ELOVL2: variants seen among roughly 807,000 people sequenced by gnomAD.
The protein encoded by ELOVL2 is ELOVL fatty acid elongase 2, also known as very long chain fatty acid elongase 2.
A neutral mutation model predicts 37.7 loss-of-function variants in ELOVL2; 38 were observed. The ratio of observed to expected loss-of-function variants is 1.01; its 90% CI spans 0.78 to 1.32. The LOEUF (loss-of-function observed/expected upper bound fraction) is 1.32, where lower values mean the gene tolerates loss of function less well. ELOVL2 is among the 40% of genes most tolerant of loss of function. The probability of loss-of-function intolerance (pLI) is 0.00; values close to 1 mark genes in which losing one functional copy is unlikely to be tolerated. For synonymous variants in ELOVL2, 115 were observed against 122.3 expected, an observed-to-expected ratio of 0.94 and a Z score of 0.40; for missense variants, 352 against 363.6, an observed-to-expected ratio of 0.97 and a Z score of 0.26.
At chr6:11,000,475 C>T (rs537921534) in intron 3 of ELOVL2, among the ~76,000 whole-genome samples, 3 of 152,214 alleles carry the variant, frequency 2.0e-5, no homozygotes, top group South Asian at 4.1e-4. Context: ...CATGTTTCTA[C>T]AAGTGTAATG....
chr6:11,016,433 GTCTTT>G (rs1175329055), intron 1 of ELOVL2, among the ~76,000 whole-genome samples: 1 of 152,160 alleles, frequency 6.6e-6, no homozygotes, highest in Non-Finnish European at 1.5e-5. Context: ...AAAAGACTTT[GTCTTT>G]TCTTTTTTTA....
At chr6:11,012,727 TAAAA>T (rs1782605460) in intron 1 of ELOVL2, among the ~76,000 whole-genome samples, 5 of 152,158 alleles carry the variant, frequency 3.3e-5, no homozygotes, top group Admixed American at 1.3e-4. Context: ...AAGAGATGAA[TAAAA>T]AGAGGCATTC....
At chr6:11,043,879 G>A (rs983681585) in intron 1 of ELOVL2, 2 of 220,220 alleles carry the variant, frequency 9.1e-6, no homozygotes, top group African/African-American at 2.3e-5. Flanking sequence ...TGGCCGCCGC[G>A]AAGGAGGGGC....
chr6:11,003,316 C>G (rs113634278), intron 3 of ELOVL2, among the ~76,000 whole-genome samples: 2,597 of 152,232 alleles, frequency 0.017, 67 homozygotes, highest in African/African-American at 0.059. Context: ...CTCCCCACCC[C>G]CCGACAGGCC....
Position 10,983,786 on chromosome 6 carries a change from G to A in ELOVL2, c.886C>T (p.Gln296Ter), listed in dbSNP as rs1781988050. ...GCTTTTTCTGTTACTCATTTTTATT[G>A]TGCTTTCTTGTTCATCACTCCATTT... The part of the protein sequence containing the change: ...AANGVMNKKA[Q>*] The change falls in exon 8 of 8, where the codon CAA becomes TAA. Residue 296 changes from glutamine (Q) to a stop codon, truncating the protein, a stop_gained. Coordinates refer to ENST00000354666, the MANE Select transcript of ELOVL2 (RefSeq NM_017770.4). LOFTEE classifies it high-confidence loss of function. The A allele has an allele frequency of 1.2e-6, 2 of 1,605,010 alleles. No individual in the cohort carries two copies. The highest frequency in any genetic ancestry group is 1.7e-6 in the Non-Finnish European group (2 of 1,177,532).
intron 3 of ELOVL2, among the ~76,000 whole-genome samples, chr6:11,001,214 G>C (rs1477694821): frequency 6.6e-6 from 1 of 152,216 alleles, no homozygotes; most frequent in African/African-American, 2.4e-5. Flanking sequence ...TAGAACCTTT[G>C]TGAGACTTCT....
rs1781963633 is a variant in ELOVL2, at chr6:10,982,809, A to G, written c.*972T>C. ...ACAGGTATCTGAGGTAATATTCACAAGTAGGCTCACAAAAAAGAGTTGACG... is the reference window on the plus strand; with the variant it reads ...ACAGGTATCTGAGGTAATATTCACAGGTAGGCTCACAAAAAAGAGTTGACG... On this transcript the variant is annotated 3_prime_UTR_variant, in exon 8 of 8. Transcript: ENST00000354666. The G allele has an allele frequency of 6.6e-6, 1 of 152,254 alleles. No homozygotes were observed. Among genetic ancestry groups the G allele is most frequent in the African/African-American group, 2.4e-5 (1 of 41,474 alleles). The allele number at this position is 152,254 out of a possible 1,614,324, so 9.4% of individuals were successfully genotyped here.
At chr6:11,022,184 C>T (rs1025802699) in intron 1 of ELOVL2, among the ~76,000 whole-genome samples, 2 of 152,202 alleles carry the variant, frequency 1.3e-5, no homozygotes, top group Non-Finnish European at 2.9e-5. Flanking sequence ...TTCTCCTCAA[C>T]GTTTCCACAG....
intron 1 of ELOVL2, among the ~76,000 whole-genome samples, chr6:11,021,734 T>G (rs1293043721): frequency 6.6e-6 from 1 of 152,230 alleles, no homozygotes; most frequent in Non-Finnish European, 1.5e-5. Flanking sequence ...ATCATTAATA[T>G]CTTTTAAACA....
chr6:10,996,150 T>C (rs928470362), intron 4 of ELOVL2, among the ~76,000 whole-genome samples: 1 of 152,302 alleles, frequency 6.6e-6, no homozygotes, highest in African/African-American at 2.4e-5. Context: ...TTTAAAGACA[T>C]TGCATAATAG....
intron 4 of ELOVL2, among the ~76,000 whole-genome samples, chr6:10,998,504 T>C (rs1398659987): frequency 2.6e-5 from 4 of 152,220 alleles, no homozygotes; most frequent in Non-Finnish European, 5.9e-5. Flanking sequence ...TAAGAGCTTT[T>C]ACAATCAGTA....
intron 7 of ELOVL2, among the ~76,000 whole-genome samples, chr6:10,984,879 G>A (rs1347120606): frequency 6.6e-6 from 1 of 152,124 alleles, no homozygotes; most frequent in East Asian, 1.9e-4. Flanking sequence ...TATACCCAGT[G>A]ATGGGATGGC....
At chr6:11,014,336 G>A (rs1315989848) in intron 1 of ELOVL2, among the ~76,000 whole-genome samples, 71 of 151,668 alleles carry the variant, frequency 4.7e-4, no homozygotes, top group Admixed American at 4.5e-3. Flanking sequence ...AAAATTGGCC[G>A]GGCGTGGTGG....
At chr6:11,037,225 G>GGAA (rs2113567092) in intron 1 of ELOVL2, among the ~76,000 whole-genome samples, 1 of 151,468 alleles carries the variant, frequency 6.6e-6, no homozygotes, top group African/African-American at 2.4e-5. Context: ...GGCAGAGGAG[G>GGAA]AGAGAGACAG....
rs145537312 is a variant in ELOVL2 at position 11,033,358 on chromosome 6, A to C, written c.3+10870T>G. Among the ~76,000 whole-genome samples the C allele has an allele frequency of 3.9e-3, 590 of 152,354 alleles. 3 individuals are homozygous for C. The highest frequency in any genetic ancestry group is 0.013 in the African/African-American group (550 of 41,582). ...ACACTTAAGAGTTTCTGATGTATTTAGGATTTTCATAACTGAAATAATGAG... is the reference window on the plus strand; with the variant it reads ...ACACTTAAGAGTTTCTGATGTATTTCGGATTTTCATAACTGAAATAATGAG... On this transcript the variant is annotated intron_variant, in intron 1 of 7. Transcript: ENST00000354666.
intron 1 of ELOVL2, among the ~76,000 whole-genome samples, chr6:11,016,173 C>CCTTTTTTACTTCTTCCTTCTTCTTTA (rs1782682614): frequency 6.7e-6 from 1 of 150,334 alleles, no homozygotes; most frequent in Non-Finnish European, 1.5e-5. Context: ...TTCCCCTTCT[C>CCTTTTTTACTTCTTCCTTCTTCTTTA]CCTTCCTTTT....
rs79527409 is a variant in ELOVL2, at chr6:11,029,277, G to A, written c.3+14951C>T. 1.4e-4 allele frequency among the ~76,000 whole-genome samples: 21 copies of A among 148,072 alleles called. No homozygotes were observed. In the East Asian group the frequency reaches 4.2e-3, roughly 30 times the overall value. On this transcript the variant is annotated intron_variant, in intron 1 of 7. Coordinates refer to ENST00000354666, the MANE Select transcript of ELOVL2 (RefSeq NM_017770.4). ...AGGCTGGCATTCAGTGTGGTTCACTGCAAAGGGCAGGAGTTTTACGCAGGT... is the reference window on the plus strand; with the variant it reads ...AGGCTGGCATTCAGTGTGGTTCACTACAAAGGGCAGGAGTTTTACGCAGGT...
At chr6:11,038,051 A>G (rs949164664) in intron 1 of ELOVL2, among the ~76,000 whole-genome samples, 4 of 152,142 alleles carry the variant, frequency 2.6e-5, no homozygotes, top group Admixed American at 6.6e-5. Flanking sequence ...AGAGGTGGTT[A>G]TTTTGGATTG....
intron 1 of ELOVL2, among the ~76,000 whole-genome samples, chr6:11,027,683 G>A (rs148553607): frequency 6.7e-6 from 1 of 148,716 alleles, no homozygotes; most frequent in East Asian, 2.1e-4. Context: ...TTCACCCCCT[G>A]CTTTCACCTT....
Sources: gnomAD v4.1 joint callset for allele counts (sites outside exome capture counted in the v4.1 genomes callset) on GRCh38, gnomAD v4.1.1 for gene constraint, MANE v1.5 for transcripts, NCBI Gene and HGNC (gene_info 2026-07-23, HGNC 2026-07-21) for gene names.